Variants in KCNMB3 observed in about 807,000 individuals in gnomAD.
KCNMB3 encodes the protein potassium calcium-activated channel subfamily M regulatory beta subunit 3, also known as calcium-activated potassium channel subunit beta-3.
KCNMB3 carries 18 observed loss-of-function variants against 11.9 expected under a neutral mutation model. That is an observed-to-expected ratio of 1.51 (90% CI 1.04 to 2.23). KCNMB3 has a LOEUF of 2.23. KCNMB3 is among the 30% of genes most tolerant of loss of function. The pLI is 0.00. For missense variants in KCNMB3, 247 were observed against 329.4 expected (o/e 0.75, Z 1.94); for synonymous variants, 78 against 119.2 (o/e 0.65, Z 2.25).
intron 2 of KCNMB3, 91 bp downstream of exon 2, chr3:179,244,404 A>C: frequency 2.0e-6 from 2 of 1,017,328 alleles, no homozygotes; most frequent in Non-Finnish European, 3.1e-6. Context: ...ATTTATCCCT[A>C]AAGACAGCCC....
At chr3:179,250,518 T>C (rs1420412447) in intron 1 of KCNMB3, among the ~76,000 whole-genome samples, 4 of 152,174 alleles carry the variant, frequency 2.6e-5, no homozygotes, top group Non-Finnish European at 5.9e-5. Flanking sequence ...GATTATGAGA[T>C]GGGAGGAGGC....
chr3:179,266,875 A>T (rs538069967), exon 1 of KCNMB3: 4 of 1,430,472 alleles, frequency 2.8e-6, no homozygotes, highest in Non-Finnish European at 3.6e-6. Flanking sequence ...TGGAGAGGTG[A>T]GAACTTCAGG....
Position 179,259,624 on chromosome 3 carries a change from C to T in KCNMB3, c.62+7025G>A, listed in dbSNP as rs1726135364. The T allele has an allele frequency of 4.4e-6, 7 of 1,608,630 alleles. No homozygotes were observed. The East Asian group carries it at 1.6e-4, about 36-fold the overall frequency. ...CTGTCAGTAGACTTTACCTGCTCTT[C>T]TTCCTTAATTTCACTTAAATCTGTG... On this transcript the variant is annotated intron_variant, in intron 1 of 3. Coordinates refer to the KCNMB3 transcript ENST00000349697.
chr3:179,260,060 G>A, intron 1 of KCNMB3: 1 of 1,610,574 alleles, frequency 6.2e-7, no homozygotes, highest in East Asian at 2.2e-5. Context: ...CTAACTGTTG[G>A]GGGACCTCTA....
At chr3:179,246,214 C>A (rs1463865171) in intron 1 of KCNMB3, among the ~76,000 whole-genome samples, 3 of 152,168 alleles carry the variant, frequency 2.0e-5, no homozygotes, top group Non-Finnish European at 4.4e-5. Context: ...GAGTTTGAGA[C>A]CAGCCTGGCC....
At chr3:179,262,514 T>A (rs921206839) in intron 1 of KCNMB3, among the ~76,000 whole-genome samples, 1 of 152,206 alleles carries the variant, frequency 6.6e-6, no homozygotes, top group Admixed American at 6.5e-5. Flanking sequence ...CAAGATTTAT[T>A]GCAAAGAGCA....
At chr3:179,251,660 G>A (rs1725848707), upstream of KCNMB3, 3 of 1,242,026 alleles carry the variant, frequency 2.4e-6, no homozygotes, top group Admixed American at 3.8e-5. Flanking sequence ...GTCGCAAACC[G>A]GTGGGCATGG....
upstream of KCNMB3, among the ~76,000 whole-genome samples, chr3:179,254,505 C>T (rs1725948216): frequency 1.3e-5 from 2 of 152,264 alleles, no homozygotes; most frequent in South Asian, 4.1e-4. Context: ...ACACATTTAA[C>T]TTAGGCCTTA....
Position 179,245,646 on chromosome 3 carries a change from C to T in KCNMB3, c.249-953G>A, listed in dbSNP as rs145425303. On this transcript the variant is annotated intron_variant, in intron 1 of 2. Coordinates refer to ENST00000392685, the MANE Select transcript of KCNMB3 (RefSeq NM_171830.2). ...TCCTGAGTAGCTGGGATTACAGGTGCGCACCATCACGCCCAGCTAATTTTT... is the reference window on the plus strand; with the variant it reads ...TCCTGAGTAGCTGGGATTACAGGTGTGCACCATCACGCCCAGCTAATTTTT... Among the ~76,000 whole-genome samples the T allele has an allele frequency of 7.3e-3, 1,109 of 152,078 alleles. 35 individuals are homozygous for T. In the East Asian group the frequency reaches 0.093, roughly 13 times the overall value.
intron 1 of KCNMB3, among the ~76,000 whole-genome samples, chr3:179,261,533 G>T (rs1433716588): frequency 1.3e-5 from 2 of 152,108 alleles, no homozygotes; most frequent in East Asian, 3.9e-4. Context: ...TGGCGCGGGG[G>T]AAGCGGGGCT....
upstream of KCNMB3, among the ~76,000 whole-genome samples, chr3:179,252,410 T>G (rs1725876732): frequency 6.6e-6 from 1 of 152,214 alleles, no homozygotes; most frequent in Non-Finnish European, 1.5e-5. Context: ...AGGAAATTAC[T>G]GGTTGTTTTT....
Position 179,251,012 on chromosome 3 carries a change from G to T in KCNMB3, c.-22C>A. 5 of 1,614,202 alleles carry T rather than the reference G, an allele frequency of 3.1e-6. No individual in the cohort carries two copies. Among genetic ancestry groups the T allele is most frequent in the Non-Finnish European group, 4.2e-6 (5 of 1,180,028 alleles). On this transcript the variant is annotated 5_prime_UTR_variant, in exon 1 of 3. Coordinates refer to ENST00000392685, the MANE Select transcript of KCNMB3 (RefSeq NM_171830.2). ...ACATTTCCAATCCATGGGGACTGGAGGGATAATCTCATTTGCTGCCTACCT... is the reference window on the plus strand; with the variant it reads ...ACATTTCCAATCCATGGGGACTGGATGGATAATCTCATTTGCTGCCTACCT...
intron 1 of KCNMB3, among the ~76,000 whole-genome samples, chr3:179,261,545 G>C (rs1053760371): frequency 1.3e-5 from 2 of 151,926 alleles, no homozygotes; most frequent in Non-Finnish European, 2.9e-5. Flanking sequence ...AGCGGGGCTC[G>C]GGCGCCTCCG....
intron 1 of KCNMB3, among the ~76,000 whole-genome samples, chr3:179,250,326 TG>T (rs1241427492): frequency 1.3e-5 from 2 of 152,232 alleles, no homozygotes; most frequent in African/African-American, 4.8e-5. Context: ...TAATATGTAT[TG>T]AGCAACTACT....
At chr3:179,266,814 G>C (rs1406409944) in exon 1 of KCNMB3, 17 of 1,501,106 alleles carry the variant, frequency 1.1e-5, no homozygotes, top group Non-Finnish European at 1.4e-5. Context: ...GTCCCAGCGG[G>C]AGCCCCCAGC....
At chr3:179,245,441 T>C (rs2108440333) in intron 1 of KCNMB3, among the ~76,000 whole-genome samples, 1 of 152,108 alleles carries the variant, frequency 6.6e-6, no homozygotes, top group East Asian at 1.9e-4. Context: ...CATCCGTATG[T>C]TCCTCAAAGC....
chr3:179,266,768 C>T (rs1167425246), exon 1 of KCNMB3: 1 of 1,603,886 alleles, frequency 6.2e-7, no homozygotes, highest in East Asian at 2.2e-5. Flanking sequence ...CCTGCGGGCG[C>T]AAGAAAGGTG....
chr3:179,262,128 A>G (rs1726233920), intron 1 of KCNMB3, among the ~76,000 whole-genome samples: 2 of 152,254 alleles, frequency 1.3e-5, no homozygotes, highest in African/African-American at 2.4e-5. Flanking sequence ...GTATTTTTAT[A>G]CACTCCCCCA....
chr3:179,241,426 A>C (rs975596275), downstream of KCNMB3: 3 of 154,408 alleles, frequency 1.9e-5, no homozygotes, highest in Non-Finnish European at 4.4e-5. Context: ...TTCATTACTC[A>C]TCAAGTCAAT....
Sources: gnomAD v4.1 joint callset for allele counts (sites outside exome capture counted in the v4.1 genomes callset) on GRCh38, gnomAD v4.1.1 for gene constraint, MANE v1.5 for transcripts, NCBI Gene and HGNC (gene_info 2026-07-23, HGNC 2026-07-21) for gene names.